Variants in PDK2 observed in about 807,000 individuals in gnomAD.
The protein encoded by PDK2 is pyruvate dehydrogenase kinase, isozyme 2.
In PDK2, 34 loss-of-function variants were observed where a neutral mutation model predicts 50.4. That is an observed-to-expected ratio of 0.68 (90% CI 0.51 to 0.90). The LOEUF is 0.90. Ranked by LOEUF, PDK2 falls within the 40% of genes least tolerant of loss-of-function variation. The pLI is 0.00. For missense variants in PDK2, 377 were observed against 544.5 expected (o/e 0.69, Z 3.06); for synonymous variants, 232 against 216.0 (o/e 1.07, Z -0.65).
chr17:50,105,814 C>T (rs147262173), intron 3 of PDK2, 71 bp from the exon 4 acceptor site: 78 of 1,547,484 alleles, frequency 5.0e-5, no homozygotes, highest in African/African-American at 6.8e-5. Context: ...GTGAAGACAC[C>T]GTGGAGAGGG....
rs1417064204 is a variant in PDK2, at chr17:50,101,799, C to G, written c.261-3572C>G. On this transcript the variant is annotated intron_variant, in intron 2 of 10. Coordinates refer to ENST00000503176, the MANE Select transcript of PDK2 (RefSeq NM_002611.5). This position sits in a 1 kb window ranked among gnomAD's most constrained non-coding sequence, Gnocchi z 4.2. The stretch of plus-strand genomic sequence containing the variant: ...CCTCCTCCTTCTCATTCCTGGGGCT[C>G]TGGACTGGCTCTGGAGCCCTGGAAA... 1 of 152,278 alleles carries G rather than the reference C, an allele frequency of 6.6e-6. No individual in the cohort carries two copies. The highest frequency in any genetic ancestry group is 1.5e-5 in the Non-Finnish European group (1 of 68,118). 9.4% of individuals were successfully genotyped at this position (152,278 alleles called of 1,614,324 possible).
chr17:50,108,058 C>A, intron 6 of PDK2, 98 bp from the exon 7 acceptor site: 1 of 946,648 alleles, frequency 1.1e-6, no homozygotes, highest in Non-Finnish European at 1.7e-6. Context: ...CAGCCATGTA[C>A]TCAGAACTTT....
chr17:50,106,629 G>C (rs1157281723), intron 4 of PDK2, 165 bp from the exon 5 acceptor site: 10 of 646,922 alleles, frequency 1.5e-5, no homozygotes, highest in Non-Finnish European at 2.2e-5. Context: ...GAGGGGTCAG[G>C]GGTCAGGGAA....
intron 6 of PDK2, 134 bp downstream of exon 6, chr17:50,107,287 G>C: frequency 1.4e-6 from 1 of 691,544 alleles, no homozygotes; most frequent in South Asian, 1.7e-5. Flanking sequence ...TAATTCATTT[G>C]ATAAATATTT....
At position 50,110,202 on chromosome 17, in the gene PDK2, C is replaced by T; in HGVS notation, c.*105C>T. 1 of 1,268,782 alleles carries T rather than the reference C, an allele frequency of 7.9e-7. No individual in the cohort carries two copies. The highest frequency in any genetic ancestry group is 2.5e-5 in the Admixed American group (1 of 40,268). The allele number at this position is 1,268,782 out of a possible 1,614,324, so 78.6% of individuals were successfully genotyped here. ...TGGGGGAGCAGGGGGTGGGTTCTCC[C>T]TGATGACCAGGTTCTGTCTCTATGG... On this transcript the variant is annotated 3_prime_UTR_variant, in exon 11 of 11. Coordinates refer to ENST00000503176, the MANE Select transcript of PDK2 (RefSeq NM_002611.5).
intron 2 of PDK2, among the ~76,000 whole-genome samples, chr17:50,104,136 A>C (rs975018635): frequency 3.3e-5 from 5 of 152,164 alleles, no homozygotes; most frequent in African/African-American, 1.2e-4. Flanking sequence ...GTTAGCAGGG[A>C]AACAGGTCAT....
At position 50,109,914 on chromosome 17, in the gene PDK2, A is replaced by G. The variant is rs1165097578; in HGVS notation, c.1084-43A>G. The G allele has an allele frequency of 6.8e-7, 1 of 1,478,352 alleles. No individual in the cohort carries two copies. Among genetic ancestry groups the G allele is most frequent in the Non-Finnish European group, 9.1e-7 (1 of 1,103,310 alleles). The allele number at this position is 1,478,352 out of a possible 1,614,324, so 91.6% of individuals were successfully genotyped here. The stretch of plus-strand genomic sequence containing the variant: ...TGGGGTGGTCTGCTGAGGAGTGGAC[A>G]AGGCACAGGGAGGTGGGAGGGGCTG... On this transcript the variant is annotated intron_variant, in intron 10 of 10. Coordinates refer to ENST00000503176, the MANE Select transcript of PDK2 (RefSeq NM_002611.5). This position sits in a 1 kb window ranked among gnomAD's most constrained non-coding sequence, Gnocchi z 5.0.
intron 2 of PDK2, among the ~76,000 whole-genome samples, chr17:50,102,128 G>A (rs76395626): frequency 6.6e-6 from 1 of 152,180 alleles, no homozygotes; most frequent in East Asian, 1.9e-4. Context: ...ATCAAGAACC[G>A]GCCCAAGGTT....
In PDK2 at chr17:50,109,898, C is replaced by T; in HGVS notation, c.1084-59C>T. On this transcript the variant is annotated intron_variant, in intron 10 of 10. Transcript: ENST00000503176. The surrounding 1 kb of genome is among the most constrained non-coding windows in gnomAD (Gnocchi z 5.0). ...TGCCGCTGAGCTGGGGTGGGGTGGT[C>T]TGCTGAGGAGTGGACAAGGCACAGG... 7.0e-7 allele frequency: 1 copy of T among 1,426,114 alleles called. No individual in the cohort carries two copies. The highest frequency in any genetic ancestry group is 2.6e-5 in the East Asian group (1 of 38,260). The allele number at this position is 1,426,114 out of a possible 1,614,324, so 88.3% of individuals were successfully genotyped here.
Position 50,108,196 on chromosome 17 carries a change from C to G in PDK2, c.726C>G (p.Pro242=). Residue 242 remains proline (P), a synonymous_variant, in exon 7 of 11, where the codon CCC becomes CCG. Coordinates refer to ENST00000503176, the MANE Select transcript of PDK2 (RefSeq NM_002611.5). ...AGCCGATTCACATGGTCTACGTCCC[C>G]TCCCACCTCTACCACATGCTCTTTG... ...SKQPIHMVYV[P]SHLYHMLFEL... 1.9e-6 allele frequency: 3 copies of G among 1,598,658 alleles called. No homozygotes were observed. Among genetic ancestry groups the G allele is most frequent in the Non-Finnish European group, 2.6e-6 (3 of 1,171,358 alleles).
chr17:50,106,913 A>G, intron 5 of PDK2, 30 bp downstream of exon 5: 1 of 1,599,438 alleles, frequency 6.3e-7, no homozygotes, highest in Non-Finnish European at 8.6e-7. Context: ...CCTGGCCCGC[A>G]GAGAAGCCCC....
Position 50,107,136 on chromosome 17 carries a change from A to T in PDK2, c.668A>T (p.Glu223Val). ...DKYYMASPDLEIQEINAANSK... is the reference protein window; with the variant it reads ...DKYYMASPDLVIQEINAANSK... ...TATTACATGGCCTCACCTGACCTGG[A>T]GATCCAGGAGATCAATGGTGAGTGA... is the stretch of plus-strand genomic sequence containing the variant. Residue 223 changes from glutamate to valine, a missense_variant, in exon 6 of 11, where the codon GAG becomes GTG. By Grantham distance (121) the Glu-to-Val change is moderately radical (BLOSUM62 -2). Transcript: ENST00000503176. The T allele has an allele frequency of 6.2e-7, 1 of 1,613,938 alleles. No individual in the cohort carries two copies. Among genetic ancestry groups the T allele is most frequent in the Non-Finnish European group, 8.5e-7 (1 of 1,179,848 alleles).
intron 6 of PDK2, 197 bp from the exon 7 acceptor site, chr17:50,107,959 A>C (rs1910605044): frequency 6.5e-6 from 4 of 612,160 alleles, no homozygotes; most frequent in Non-Finnish European, 1.2e-5. Context: ...AGGGTGTGGA[A>C]AGCAGGGCCC....
intron 4 of PDK2, chr17:50,106,273 G>C: frequency 3.6e-6 from 5 of 1,382,494 alleles, no homozygotes; most frequent in Non-Finnish European, 3.8e-6. Context: ...ATTTCAAAAC[G>C]TTTTGTTTTC....
upstream of PDK2, chr17:50,094,910 G>A (rs1325374234): frequency 1.3e-5 from 2 of 154,848 alleles, no homozygotes; most frequent in Non-Finnish European, 2.9e-5. Context: ...TAACGATCAT[G>A]ACAGGTGAAA....
chr17:50,110,066 C>A lies in PDK2; in HGVS notation c.1193C>A (p.Pro398His). 1 of 1,611,142 alleles carries A rather than the reference C, an allele frequency of 6.2e-7. No homozygotes were observed. ...AGDWCVPSTEPKNTSTYRVS is the reference protein window; with the variant it reads ...AGDWCVPSTEHKNTSTYRVS ...GACTGGTGTGTGCCCAGCACGGAGC[C>A]CAAGAACACGTCCACGTACCGCGTC... The change falls in exon 11 of 11, where the codon CCC (proline) becomes CAC (histidine). Residue 398 changes from proline (P) to histidine (H), a missense_variant. Pro to His is a moderately conservative substitution (Grantham distance 77). Around this residue, in one of 3 missense-constraint regions of PDK2, gnomAD observed 214 missense variants for 294.0 expected, o/e 0.73. Transcript: ENST00000503176.
At chr17:50,107,533 A>T (rs769830198) in intron 6 of PDK2, among the ~76,000 whole-genome samples, 101 of 152,320 alleles carry the variant, frequency 6.6e-4, no homozygotes, top group Admixed American at 2.0e-3. Context: ...GTGAGCTGAG[A>T]TGCTACCACT....
chr17:50,096,170 C>T (rs1909930152), intron 1 of PDK2: 1 of 985,480 alleles, frequency 1.0e-6, no homozygotes, highest in South Asian at 4.7e-5. Context: ...GGCAAGGACA[C>T]TTGAAGATCA....
intron 2 of PDK2, chr17:50,100,980 A>G (rs563615305): frequency 6.6e-6 from 1 of 152,342 alleles, no homozygotes; most frequent in African/African-American, 2.4e-5. Context: ...CGGTGTTGTT[A>G]GAGACGGAAA....
Sources: gnomAD v4.1 joint callset for allele counts (sites outside exome capture counted in the v4.1 genomes callset) on GRCh38, gnomAD v4.1.1 for gene constraint, gnomAD v4.1.1 regional missense constraint, Gnocchi (gnomAD v3.1) non-coding constraint, MANE v1.5 for transcripts, NCBI Gene and HGNC (gene_info 2026-07-23, HGNC 2026-07-21) for gene names.